Variants in ARFIP1 observed in about 807,000 individuals in gnomAD.
ARFIP1 encodes the protein ARF interacting protein 1.
A neutral mutation model predicts 42.5 loss-of-function variants in ARFIP1; 24 were observed. The observed-to-expected ratio is 0.57, with a 90% confidence interval of 0.41 to 0.80. The LOEUF (loss-of-function observed/expected upper bound fraction) is 0.80, where lower values mean the gene tolerates loss of function less well. Ranked by LOEUF, ARFIP1 falls within the 30% of genes least tolerant of loss-of-function variation. ARFIP1 has a pLI of 0.00. For synonymous variants in ARFIP1, 141 were observed against 153.7 expected, an observed-to-expected ratio of 0.92 and a Z score of 0.61; for missense variants, 354 against 434.0, an observed-to-expected ratio of 0.82 and a Z score of 1.64.
chr4:152,829,619 T>C lies in ARFIP1; in HGVS notation c.-9-6T>C, dbSNP rs754750805. 1 of 1,600,520 alleles carries C rather than the reference T, an allele frequency of 6.2e-7. No homozygotes were observed. The highest frequency in any genetic ancestry group is 1.1e-5 in the South Asian group (1 of 89,462). ...TTACGGCGCTTTTTTTCTTCTTTTG[T>C]TTTAGGAGTCTACCATGGCTCAAGA... On this transcript the variant is annotated splice_region_variant and splice_polypyrimidine_tract_variant and intron_variant, in intron 1 of 8. Transcript: ENST00000353617.
intron 1 of ARFIP1, among the ~76,000 whole-genome samples, chr4:152,822,851 T>A (rs1028636071): frequency 6.6e-6 from 1 of 152,132 alleles, no homozygotes; most frequent in South Asian, 2.1e-4. Context: ...TTTAAAAAAT[T>A]TTTGCAGTGA....
At position 152,881,121 on chromosome 4, in the gene ARFIP1, A is replaced by G. The variant is rs934640176; in HGVS notation, c.570A>G (p.Val190=). The G allele has an allele frequency of 7.4e-6, 12 of 1,613,850 alleles. No homozygotes were observed. The highest frequency in any genetic ancestry group is 2.2e-5 in the East Asian group (1 of 44,880). ...QTLSTQLFQM[V]HTQRQLGDAF... is the part of the protein sequence containing the mutation. ...TGTCGACCCAGCTTTTCCAGATGGTACATACCCAAAGGCAACTTGGAGATG... is the reference window on the plus strand; with the variant it reads ...TGTCGACCCAGCTTTTCCAGATGGTGCATACCCAAAGGCAACTTGGAGATG... The change falls in exon 6 of 9, where the codon GTA becomes GTG. Residue 190 remains valine, a synonymous_variant. Transcript: ENST00000353617.
chr4:152,789,514 T>G (rs1409582518), intron 1 of ARFIP1, among the ~76,000 whole-genome samples: 1 of 152,234 alleles, frequency 6.6e-6, no homozygotes, highest in African/African-American at 2.4e-5. Context: ...TTGTATATTG[T>G]ACTTTTTAGA....
chr4:152,794,282 CTT>C (rs1052607243), intron 1 of ARFIP1, among the ~76,000 whole-genome samples: 1 of 152,152 alleles, frequency 6.6e-6, no homozygotes, highest in African/African-American at 2.4e-5. Flanking sequence ...TCCGTAGTCT[CTT>C]TTAAAGTTTC....
chr4:152,881,171 C>T lies in ARFIP1; in HGVS notation c.620C>T (p.Ser207Leu). The T allele has an allele frequency of 1.2e-6, 2 of 1,606,138 alleles. No individual in the cohort carries two copies. The highest frequency in any genetic ancestry group is 1.7e-6 in the Non-Finnish European group (2 of 1,173,998). ...GDAFADLSLK[S>L]LELHEEFGYN... ...GCATTTGCTGACCTGAGTTTGAAGT[C>T]ACTAGAACTTCATGTAAGATTATTC... Residue 207 changes from serine (S) to leucine (L), a missense_variant, in exon 6 of 9, where the codon TCA becomes TTA. Transcript: ENST00000353617.
At chr4:152,817,259 A>G (rs1218229372) in intron 1 of ARFIP1, among the ~76,000 whole-genome samples, 1 of 152,220 alleles carries the variant, frequency 6.6e-6, no homozygotes, top group Non-Finnish European at 1.5e-5. Context: ...CAAGGAACAG[A>G]AACTTAACTC....
chr4:152,877,709 C>A (rs1489535548), intron 5 of ARFIP1, among the ~76,000 whole-genome samples: 1 of 152,082 alleles, frequency 6.6e-6, no homozygotes, highest in East Asian at 1.9e-4. Context: ...CCCAGAATTG[C>A]CATGTGTTGT....
intron 2 of ARFIP1, among the ~76,000 whole-genome samples, chr4:152,852,487 G>T (rs1244233765): frequency 6.6e-6 from 1 of 152,120 alleles, no homozygotes; most frequent in Non-Finnish European, 1.5e-5. Context: ...AAAGAAATTA[G>T]CCAGGTGTGG....
chr4:152,819,506 C>T (rs1730185039), intron 1 of ARFIP1, among the ~76,000 whole-genome samples: 1 of 152,170 alleles, frequency 6.6e-6, no homozygotes, highest in South Asian at 2.1e-4. Context: ...CTACTGCAGA[C>T]ATTCCCCAGC....
At chr4:152,900,522 C>T (rs1022917859) in intron 8 of ARFIP1, among the ~76,000 whole-genome samples, 1 of 152,134 alleles carries the variant, frequency 6.6e-6, no homozygotes, top group Non-Finnish European at 1.5e-5. Context: ...ATTTGTCTTT[C>T]CTTCTCTCAC....
intron 2 of ARFIP1, among the ~76,000 whole-genome samples, chr4:152,830,980 C>T (rs1367540504): frequency 6.6e-6 from 1 of 152,180 alleles, no homozygotes; most frequent in African/African-American, 2.4e-5. Flanking sequence ...AGTGCTTTAA[C>T]TTGGTTTCTG....
chr4:152,840,673 G>A (rs1205257144), intron 2 of ARFIP1, among the ~76,000 whole-genome samples: 1 of 151,078 alleles, frequency 6.6e-6, no homozygotes, highest in Non-Finnish European at 1.5e-5. Flanking sequence ...GGCAGCAGAT[G>A]GTTGGTTGAT....
chr4:152,782,999 C>A (rs1730591744), intron 1 of ARFIP1, among the ~76,000 whole-genome samples: 2 of 152,220 alleles, frequency 1.3e-5, no homozygotes, highest in South Asian at 4.1e-4. Flanking sequence ...GGGGAGCAGT[C>A]AACATAAGTT....
chr4:152,858,245 T>C (rs1185417989), intron 2 of ARFIP1, among the ~76,000 whole-genome samples: 1 of 152,118 alleles, frequency 6.6e-6, no homozygotes, highest in Non-Finnish European at 1.5e-5. Context: ...TGGGCCCAGA[T>C]CACACCACTG....
chr4:152,891,470 T>A (rs1305575349), intron 8 of ARFIP1, among the ~76,000 whole-genome samples: 1 of 152,202 alleles, frequency 6.6e-6, no homozygotes, highest in African/African-American at 2.4e-5. Flanking sequence ...TTTGTTTTTT[T>A]GTTGTTGTTG....
At chr4:152,849,339 A>G (rs1419669145) in intron 2 of ARFIP1, among the ~76,000 whole-genome samples, 1 of 152,190 alleles carries the variant, frequency 6.6e-6, no homozygotes, top group Non-Finnish European at 1.5e-5. Flanking sequence ...TTGAAGGCTT[A>G]TCTGTCTTAA....
chr4:152,846,999 C>T (rs1732584746), intron 2 of ARFIP1, among the ~76,000 whole-genome samples: 1 of 151,592 alleles, frequency 6.6e-6, no homozygotes. Context: ...CTTAGTCTGT[C>T]CTAAGAGAGG....
rs771661005 is a variant in ARFIP1, at chr4:152,847,124, C to CTTTTTTTTTTTTTTTTTTT, written c.94-16476_94-16458dup. Among the ~76,000 whole-genome samples, 174 of 40,552 alleles carry CTTTTTTTTTTTTTTTTTTT rather than the reference C, an allele frequency of 4.3e-3. 48 individuals carry two copies. Among genetic ancestry groups the CTTTTTTTTTTTTTTTTTTT allele is most frequent in the East Asian group, 7.1e-3 (10 of 1,410 alleles). The allele number at this position is 40,552 out of a possible 152,430, so 26.6% of individuals were successfully genotyped here. A position where few individuals can be genotyped will look rare whatever the true frequency, so the allele number is the denominator to read the frequency against. ...GTATGTTAATGTTTTTAGGTTTGTT[C>CTTTTTTTTTTTTTTTTTTT]TTTTTTTTTTTTTTTTTTTTTTTTG... is the stretch of plus-strand genomic sequence containing the variant. On this transcript the variant is annotated intron_variant, in intron 2 of 8. Transcript: ENST00000353617.
chr4:152,876,625 A>G (rs554517089), intron 5 of ARFIP1, among the ~76,000 whole-genome samples: 4 of 152,250 alleles, frequency 2.6e-5, no homozygotes, highest in African/African-American at 9.6e-5. Context: ...AGAAATTTGC[A>G]TAAGTAGCAA....
Sources: gnomAD v4.1 joint callset for allele counts (sites outside exome capture counted in the v4.1 genomes callset) on GRCh38, gnomAD v4.1.1 for gene constraint, MANE v1.5 for transcripts, NCBI Gene and HGNC (gene_info 2026-07-23, HGNC 2026-07-21) for gene names.